RTF1: variants seen among roughly 807,000 people sequenced by gnomAD.
The protein encoded by RTF1 is RTF1 homolog, Paf1/RNA polymerase II complex component.
A neutral mutation model predicts 95.7 loss-of-function variants in RTF1; 10 were observed. The observed-to-expected ratio is 0.10, with a 90% CI of 0.06 to 0.18. RTF1 has a LOEUF of 0.18. Among genes scored for constraint, RTF1 ranks in the 10% least tolerant of loss-of-function variants. The probability of loss-of-function intolerance (pLI) is 1.00; values close to 1 mark genes in which losing one functional copy is unlikely to be tolerated. For missense variants in RTF1, 458 were observed against 875.6 expected, an observed-to-expected ratio of 0.52 and a Z score of 6.02; for synonymous variants, 305 against 311.8, an observed-to-expected ratio of 0.98 and a Z score of 0.23.
At chr15:41,441,919 T>C (rs189926895) in intron 2 of RTF1, among the ~76,000 whole-genome samples, 1 of 152,274 alleles carries the variant, frequency 6.6e-6, no homozygotes, top group African/African-American at 2.4e-5. Flanking sequence ...TCATGTCTCT[T>C]TGGCCCAAGA....
intron 4 of RTF1, among the ~76,000 whole-genome samples, chr15:41,461,825 GAGTTCCTGACCTC>G: frequency 6.6e-6 from 1 of 151,264 alleles, no homozygotes; most frequent in South Asian, 2.1e-4. Flanking sequence ...GGCTGGTCTG[GAGTTCCTGACCTC>G]AGGTGATCCA....
At chr15:41,422,464 C>T (rs2050607299) in intron 1 of RTF1, among the ~76,000 whole-genome samples, 1 of 152,056 alleles carries the variant, frequency 6.6e-6, no homozygotes, top group African/African-American at 2.4e-5. Context: ...TGAGGCAAAC[C>T]TCTGGGCTCT....
chr15:41,419,200 A>G (rs2050588228), intron 1 of RTF1, among the ~76,000 whole-genome samples: 1 of 152,228 alleles, frequency 6.6e-6, no homozygotes, highest in Non-Finnish European at 1.5e-5. Flanking sequence ...TAGAAGGAGT[A>G]GAATCTATTT....
At chr15:41,429,335 T>C (rs1318119590) in intron 1 of RTF1, among the ~76,000 whole-genome samples, 3 of 152,204 alleles carry the variant, frequency 2.0e-5, no homozygotes, top group African/African-American at 7.2e-5. Context: ...TCTCTGTCCC[T>C]GTGGCTACTT....
At chr15:41,468,680 A>C (rs1457896147) in intron 6 of RTF1, among the ~76,000 whole-genome samples, 1 of 152,184 alleles carries the variant, frequency 6.6e-6, no homozygotes, top group South Asian at 2.1e-4. Flanking sequence ...AGGAAAGGCA[A>C]GATAAATGCT....
At chr15:41,422,203 T>A (rs992403834) in intron 1 of RTF1, among the ~76,000 whole-genome samples, 3 of 150,834 alleles carry the variant, frequency 2.0e-5, no homozygotes, top group Non-Finnish European at 4.4e-5. Context: ...CCTGGCTAAT[T>A]TTTTGTATTT....
intron 8 of RTF1, 101 bp from the exon 9 acceptor site, chr15:41,474,519 T>C: frequency 1.2e-6 from 1 of 855,058 alleles, no homozygotes. Flanking sequence ...CTCAGCACTC[T>C]ATCAGTTGTC....
At chr15:41,478,664 T>C in intron 15 of RTF1, 39 bp downstream of exon 15, 1 of 1,440,558 alleles carries the variant, frequency 6.9e-7, no homozygotes, top group Non-Finnish European at 9.7e-7. Flanking sequence ...AGGACCTAGA[T>C]TCTAGGACAC....
At chr15:41,441,089 A>T (rs2050732451) in intron 2 of RTF1, among the ~76,000 whole-genome samples, 2 of 148,768 alleles carry the variant, frequency 1.3e-5, no homozygotes, top group African/African-American at 5.0e-5. Flanking sequence ...CTTCTGCCTC[A>T]ACCTCCCAAA....
rs2140661547 is a variant in RTF1, at chr15:41,481,642, A to G, written c.*955A>G. 1 of 152,662 alleles carries G rather than the reference A, an allele frequency of 6.6e-6. No homozygotes were observed. Among genetic ancestry groups the G allele is most frequent in the Admixed American group, 6.5e-5 (1 of 15,312 alleles). 9.5% of individuals were successfully genotyped at this position (152,662 alleles called of 1,614,324 possible). A position where few individuals can be genotyped will look rare whatever the true frequency, so the allele number is the denominator to read the frequency against. Reference sequence around the variant, plus strand: ...TGCTCTTCCCATGGGTACAGCCCACAGCTTCTTGGCTGAACGTAGAACTTC... The same window carrying G: ...TGCTCTTCCCATGGGTACAGCCCACGGCTTCTTGGCTGAACGTAGAACTTC... On this transcript the variant is annotated 3_prime_UTR_variant, in exon 18 of 18. Transcript: ENST00000389629.
chr15:41,464,341 C>T (rs1265816100), intron 4 of RTF1, among the ~76,000 whole-genome samples: 1 of 149,590 alleles, frequency 6.7e-6, no homozygotes, highest in African/African-American at 2.5e-5. Context: ...ACCTCCCTCC[C>T]GGATTAAAGC....
chr15:41,428,785 T>C (rs2050652942), intron 1 of RTF1, among the ~76,000 whole-genome samples: 1 of 151,980 alleles, frequency 6.6e-6, no homozygotes, highest in Non-Finnish European at 1.5e-5. Flanking sequence ...TTGCCCAGGC[T>C]GGAGTGCAGT....
In RTF1 at chr15:41,431,947, A is replaced by G. The variant is rs535046535; in HGVS notation, c.199-6374A>G. 7.8e-4 allele frequency among the ~76,000 whole-genome samples: 119 copies of G among 151,614 alleles called. 1 individual carries two copies. The Middle Eastern group carries it at 0.01, about 13-fold the overall frequency. On this transcript the variant is annotated intron_variant, in intron 1 of 17. Transcript: ENST00000389629. Reference sequence around the variant, plus strand: ...TCCCGAGTAGCTAGACTACAGGTGCACGCCCCCATGCCTGGCTAATTTTTT... The same window carrying G: ...TCCCGAGTAGCTAGACTACAGGTGCGCGCCCCCATGCCTGGCTAATTTTTT...
chr15:41,442,476 C>G (rs532313894), intron 2 of RTF1, among the ~76,000 whole-genome samples: 1 of 150,944 alleles, frequency 6.6e-6, no homozygotes, highest in African/African-American at 2.4e-5. Flanking sequence ...ATTATTAATA[C>G]GTCTTTCGTG....
At chr15:41,475,122 T>C (rs939198906) in intron 9 of RTF1, among the ~76,000 whole-genome samples, 2 of 152,188 alleles carry the variant, frequency 1.3e-5, no homozygotes, top group Non-Finnish European at 2.9e-5. Flanking sequence ...ATTTACCGAA[T>C]GTACAGTGTG....
chr15:41,421,456 TAA>T (rs754975327), intron 1 of RTF1, among the ~76,000 whole-genome samples: 55 of 135,200 alleles, frequency 4.1e-4, no homozygotes, highest in Admixed American at 6.1e-4. Context: ...AACTCTGTAT[TAA>T]AAAAAAAAAA....
chr15:41,456,835 C>T (rs1199624637), intron 3 of RTF1, among the ~76,000 whole-genome samples: 1 of 151,934 alleles, frequency 6.6e-6, no homozygotes, highest in Admixed American at 6.6e-5. Flanking sequence ...CCTGTAATCC[C>T]AGCACTTTGA....
intron 6 of RTF1, among the ~76,000 whole-genome samples, chr15:41,466,511 A>G (rs2050881235): frequency 6.6e-6 from 1 of 152,222 alleles, no homozygotes; most frequent in African/African-American, 2.4e-5. Context: ...ATATTTCAGT[A>G]TGTTCCTCTA....
At chr15:41,477,654 C>A in intron 14 of RTF1, 139 bp downstream of exon 14, 1 of 708,306 alleles carries the variant, frequency 1.4e-6, no homozygotes, top group East Asian at 2.7e-5. Flanking sequence ...TCTGTATGTC[C>A]ACGTACATCG....
Sources: gnomAD v4.1 joint callset for allele counts (sites outside exome capture counted in the v4.1 genomes callset) on GRCh38, gnomAD v4.1.1 for gene constraint, MANE v1.5 for transcripts, NCBI Gene and HGNC (gene_info 2026-07-23, HGNC 2026-07-21) for gene names.